GPR158: variants seen among roughly 807,000 people sequenced by gnomAD.
The protein encoded by GPR158 is G protein-coupled receptor 158, also known as metabotropic glycine receptor.
In GPR158, 30 loss-of-function variants were observed where a neutral mutation model predicts 78.2. The ratio of observed to expected loss-of-function variants is 0.38; its 90% confidence interval spans 0.29 to 0.52. GPR158 has a LOEUF of 0.52. Ranked by LOEUF, GPR158 falls within the 20% of genes least tolerant of loss-of-function variation. The probability of loss-of-function intolerance (pLI) is 0.83; values close to 1 mark genes in which losing one functional copy is unlikely to be tolerated. For missense variants in GPR158, 1,463 were observed against 1,523.5 expected (o/e 0.96, Z 0.66); for synonymous variants, 581 against 591.1 (o/e 0.98, Z 0.25).
At chr10:25,587,058 A>G (rs992532862) in intron 7 of GPR158, among the ~76,000 whole-genome samples, 1 of 152,206 alleles carries the variant, frequency 6.6e-6, no homozygotes, top group Non-Finnish European at 1.5e-5. Context: ...ATGTAACCAT[A>G]TGTGGAAAAC....
Position 25,441,458 on chromosome 10 carries a change from A to T in GPR158, c.1336-25193A>T, listed in dbSNP as rs560259521. ...TGTCCTATTTAGTCACTATTATTAG[A>T]CACTCACTGTTGGCAGGTGACTGCT... is the stretch of plus-strand genomic sequence containing the variant. On this transcript the variant is annotated intron_variant, in intron 4 of 10. Transcript: ENST00000376351. Among the ~76,000 whole-genome samples, 23 of 152,312 alleles carry T rather than the reference A, an allele frequency of 1.5e-4. No homozygotes were observed. In the South Asian group the frequency reaches 4.6e-3, roughly 30 times the overall value.
chr10:25,545,199 T>G (rs1836647119), intron 5 of GPR158, among the ~76,000 whole-genome samples: 1 of 152,234 alleles, frequency 6.6e-6, no homozygotes, highest in Non-Finnish European at 1.5e-5. Flanking sequence ...TAGAATGTTT[T>G]ATAATCCTTT....
intron 8 of GPR158, among the ~76,000 whole-genome samples, chr10:25,589,410 AAATGT>A (rs1837312396): frequency 2.0e-5 from 3 of 152,244 alleles, no homozygotes; most frequent in Non-Finnish European, 4.4e-5. Flanking sequence ...CCACTTATGG[AAATGT>A]AATGGAATAT....
At chr10:25,380,315 T>G (rs1834137349) in intron 2 of GPR158, among the ~76,000 whole-genome samples, 1 of 152,198 alleles carries the variant, frequency 6.6e-6, no homozygotes, top group South Asian at 2.1e-4. Flanking sequence ...CTTTGTAGTT[T>G]CAAATGTGTA....
intron 7 of GPR158, among the ~76,000 whole-genome samples, chr10:25,574,292 G>C (rs546983066): frequency 6.6e-6 from 1 of 151,848 alleles, no homozygotes; most frequent in South Asian, 2.1e-4. Context: ...GCATTCCAAA[G>C]AGGATCATAT....
At chr10:25,344,211 T>C (rs1220673590) in intron 2 of GPR158, among the ~76,000 whole-genome samples, 1 of 152,008 alleles carries the variant, frequency 6.6e-6, no homozygotes, top group Non-Finnish European at 1.5e-5. Context: ...ATTTTGATGG[T>C]GTTTTATTTC....
At chr10:25,361,049 A>T (rs908953769) in intron 2 of GPR158, among the ~76,000 whole-genome samples, 1 of 151,874 alleles carries the variant, frequency 6.6e-6, no homozygotes, top group Non-Finnish European at 1.5e-5. Flanking sequence ...CATCTTGCAG[A>T]TTTGAAACTC....
intron 2 of GPR158, among the ~76,000 whole-genome samples, chr10:25,307,016 C>G (rs200498396): frequency 1.4e-5 from 2 of 146,374 alleles, no homozygotes; most frequent in Non-Finnish European, 3.0e-5. Context: ...CACACACATA[C>G]AGAGAGAGAG....
intron 2 of GPR158, among the ~76,000 whole-genome samples, chr10:25,253,439 T>C (rs1005407001): frequency 1.3e-5 from 2 of 152,186 alleles, no homozygotes; most frequent in African/African-American, 4.8e-5. Context: ...AAAAGAGCTA[T>C]GAAATGTCAA....
intron 2 of GPR158, among the ~76,000 whole-genome samples, chr10:25,245,798 T>C (rs1358270285): frequency 6.6e-6 from 1 of 152,208 alleles, no homozygotes; most frequent in African/African-American, 2.4e-5. Context: ...TGGGAAATAA[T>C]GCTAATTGTG....
chr10:25,189,497 A>G (rs1852739679), intron 1 of GPR158, among the ~76,000 whole-genome samples: 1 of 152,140 alleles, frequency 6.6e-6, no homozygotes, highest in African/African-American at 2.4e-5. Context: ...GGACATGGAT[A>G]AAGCTGGAAA....
chr10:25,584,044 T>C (rs1837236677), intron 7 of GPR158, among the ~76,000 whole-genome samples: 1 of 152,240 alleles, frequency 6.6e-6, no homozygotes, highest in Non-Finnish European at 1.5e-5. Context: ...TTATAGTATA[T>C]TAATTTTTCA....
chr10:25,268,769 C>T (rs1201961238), intron 2 of GPR158, among the ~76,000 whole-genome samples: 1 of 152,130 alleles, frequency 6.6e-6, no homozygotes, highest in African/African-American at 2.4e-5. Flanking sequence ...AAGCTGCCAA[C>T]CTTCGCCTTC....
At chr10:25,389,827 C>T (rs549331475) in intron 2 of GPR158, among the ~76,000 whole-genome samples, 2 of 152,126 alleles carry the variant, frequency 1.3e-5, no homozygotes, top group East Asian at 3.9e-4. Flanking sequence ...CACCACACCA[C>T]GTTTCTTGGT....
At position 25,241,409 on chromosome 10, in the gene GPR158, C is replaced by CTCTTCTCTTT. The variant is rs1302467821; in HGVS notation, c.1008+20256_1008+20257insCTCTTTTCTT. 5.1e-3 allele frequency among the ~76,000 whole-genome samples: 555 copies of CTCTTCTCTTT among 108,098 alleles called. 4 individuals carry two copies. Among genetic ancestry groups the CTCTTCTCTTT allele is most frequent in the Middle Eastern group, 8.1e-3 (2 of 246 alleles). The allele number at this position is 108,098 out of a possible 152,430, so 70.9% of individuals were successfully genotyped here. A position where few individuals can be genotyped will look rare whatever the true frequency, so the allele number is the denominator to read the frequency against. On this transcript the variant is annotated intron_variant, in intron 2 of 10. Transcript: ENST00000376351. ...CTCTTCTCTTCTCTTCTCTTCTCTT[C>CTCTTCTCTTT]TCTTTTCTTTTCTTTTCTTTTCTTT...
chr10:25,349,463 G>A (rs1855422958), intron 2 of GPR158, among the ~76,000 whole-genome samples: 1 of 134,180 alleles, frequency 7.5e-6, no homozygotes, highest in Non-Finnish European at 1.5e-5. Context: ...GAAGGACCTG[G>A]TGGGAGGTGG....
intron 2 of GPR158, among the ~76,000 whole-genome samples, chr10:25,246,228 A>C (rs560180124): frequency 1.1e-4 from 16 of 152,352 alleles, no homozygotes; most frequent in Middle Eastern, 3.4e-3. Context: ...GTAATGCCAA[A>C]TTTGATAGTC....
intron 6 of GPR158, among the ~76,000 whole-genome samples, chr10:25,564,449 C>A (rs1305188137): frequency 6.6e-6 from 1 of 152,126 alleles, no homozygotes; most frequent in African/African-American, 2.4e-5. Context: ...ATTCATTGTC[C>A]CGGGTAGCAT....
At chr10:25,326,343 T>G (rs1158254949) in intron 2 of GPR158, among the ~76,000 whole-genome samples, 1 of 146,516 alleles carries the variant, frequency 6.8e-6, no homozygotes, top group South Asian at 2.2e-4. Context: ...ATTTTCTTTA[T>G]GTAGTCTATC....
Sources: allele counts gnomAD v4.1 joint callset (sites outside exome capture counted in the v4.1 genomes callset), GRCh38; gene constraint gnomAD v4.1.1; transcripts MANE v1.5; gene names NCBI Gene and HGNC (gene_info 2026-07-23, HGNC 2026-07-21).